PDE4B: variants seen among roughly 807,000 people sequenced by gnomAD.
PDE4B encodes 3',5'-cyclic-AMP phosphodiesterase 4B.
A neutral mutation model predicts 82.2 loss-of-function variants in PDE4B; 20 were observed. The ratio of observed to expected loss-of-function variants is 0.24; its 90% CI spans 0.17 to 0.35. The LOEUF (loss-of-function observed/expected upper bound fraction) is 0.35, where lower values mean the gene tolerates loss of function less well. Ranked by LOEUF, PDE4B falls within the 10% of genes least tolerant of loss-of-function variation. The pLI is 1.00. For missense variants in PDE4B, 655 were observed against 907.2 expected (o/e 0.72, Z 3.57); for synonymous variants, 320 against 318.9 (o/e 1.00, Z -0.04).
intron 3 of PDE4B, among the ~76,000 whole-genome samples, chr1:66,228,150 A>G (rs1285997736): frequency 7.2e-5 from 11 of 152,118 alleles, no homozygotes; most frequent in Admixed American, 1.3e-4. Context: ...ATTCCCCCAG[A>G]CATCTGTCTT....
At chr1:66,183,693 G>GC (rs760153821) in intron 3 of PDE4B, among the ~76,000 whole-genome samples, 2 of 152,144 alleles carry the variant, frequency 1.3e-5, no homozygotes, top group Non-Finnish European at 2.9e-5. Flanking sequence ...CCAATCCTGT[G>GC]CCCTATCTTT....
chr1:66,338,944 G>A (rs985700882), intron 8 of PDE4B, among the ~76,000 whole-genome samples: 2 of 150,550 alleles, frequency 1.3e-5, no homozygotes, highest in South Asian at 2.1e-4. Flanking sequence ...GCGTGAACCC[G>A]GGAGGCGGAG....
chr1:66,327,532 G>A (rs943872301), intron 7 of PDE4B, among the ~76,000 whole-genome samples: 1 of 152,082 alleles, frequency 6.6e-6, no homozygotes, highest in African/African-American at 2.4e-5. Flanking sequence ...TGAGATATTT[G>A]CAAAATATAT....
At chr1:66,016,120 C>T (rs1652762401) in intron 3 of PDE4B, among the ~76,000 whole-genome samples, 2 of 152,132 alleles carry the variant, frequency 1.3e-5, no homozygotes, top group Non-Finnish European at 1.5e-5. Flanking sequence ...GTATCTCCAT[C>T]TCTAAAATGA....
intron 3 of PDE4B, among the ~76,000 whole-genome samples, chr1:66,222,258 C>A (rs553555069): frequency 4.6e-5 from 7 of 152,184 alleles, no homozygotes; most frequent in Non-Finnish European, 1.0e-4. Flanking sequence ...TTCCCAACAA[C>A]TTCTGCTTAT....
At chr1:65,843,771 A>G (rs1174798167) in intron 1 of PDE4B, among the ~76,000 whole-genome samples, 1 of 152,128 alleles carries the variant, frequency 6.6e-6, no homozygotes, top group African/African-American at 2.4e-5. Flanking sequence ...AAGGATAAAG[A>G]TGTACTTTTA....
intron 8 of PDE4B, among the ~76,000 whole-genome samples, chr1:66,353,958 A>C (rs1417298944): frequency 6.6e-6 from 1 of 152,194 alleles, no homozygotes; most frequent in African/African-American, 2.4e-5. Context: ...TCTAATATGC[A>C]TATTAATGAG....
intron 3 of PDE4B, among the ~76,000 whole-genome samples, chr1:65,928,342 C>G (rs10889589): frequency 0.35 from 53,595 of 151,934 alleles, 9,647 homozygotes; most frequent in East Asian, 0.48. Context: ...AAATTAAGTA[C>G]GAATGCAGTA....
chr1:66,339,252 T>G (rs965558847), intron 8 of PDE4B, among the ~76,000 whole-genome samples: 6 of 152,214 alleles, frequency 3.9e-5, no homozygotes, highest in Non-Finnish European at 7.4e-5. Context: ...ATTAAGCTAT[T>G]TATTCTTTGT....
intron 7 of PDE4B, among the ~76,000 whole-genome samples, chr1:66,315,639 T>A (rs957533741): frequency 1.3e-5 from 2 of 152,056 alleles, no homozygotes; most frequent in Admixed American, 6.5e-5. Context: ...TATTTTTTTT[T>A]AATAGAGACC....
chr1:66,301,995 A>C (rs1233608275), intron 7 of PDE4B, among the ~76,000 whole-genome samples: 2 of 152,186 alleles, frequency 1.3e-5, no homozygotes, highest in Non-Finnish European at 2.9e-5. Context: ...TTAGCCTCTC[A>C]AACCACAGAG....
At chr1:66,176,165 T>C (rs1220957070) in intron 3 of PDE4B, among the ~76,000 whole-genome samples, 1 of 152,188 alleles carries the variant, frequency 6.6e-6, no homozygotes, top group African/African-American at 2.4e-5. Flanking sequence ...TTTGATTGCA[T>C]AGTTGACTCA....
In PDE4B at chr1:66,277,642, C is replaced by G. The variant is rs141538279; in HGVS notation, c.634+11555C>G. 3.1e-3 allele frequency among the ~76,000 whole-genome samples: 471 copies of G among 152,330 alleles called. 1 individual carries two copies. Among genetic ancestry groups the G allele is most frequent in the African/African-American group, 0.011 (449 of 41,570 alleles). Reference sequence around the variant, plus strand: ...AACTCCTAACCTCGTGATCTGCGTGCCTCGGCCTCCCAAAGTGCTGGGATT... The same window carrying G: ...AACTCCTAACCTCGTGATCTGCGTGGCTCGGCCTCCCAAAGTGCTGGGATT... On this transcript the variant is annotated intron_variant, in intron 7 of 16. Coordinates refer to ENST00000341517, the MANE Select transcript of PDE4B (RefSeq NM_002600.4).
chr1:65,860,315 G>T (rs1646439846), intron 1 of PDE4B, among the ~76,000 whole-genome samples: 1 of 152,146 alleles, frequency 6.6e-6, no homozygotes, highest in Non-Finnish European at 1.5e-5. Flanking sequence ...TTCTGTTCCT[G>T]TGTTAGTTTG....
intron 1 of PDE4B, among the ~76,000 whole-genome samples, chr1:65,882,852 G>T (rs552053997): frequency 4.2e-4 from 64 of 152,220 alleles, no homozygotes; most frequent in African/African-American, 1.4e-3. Flanking sequence ...TAACAGGAAG[G>T]TTTGAATTTT....
chr1:65,844,996 C>T (rs757723074), intron 1 of PDE4B, among the ~76,000 whole-genome samples: 28 of 152,202 alleles, frequency 1.8e-4, no homozygotes, highest in Non-Finnish European at 3.2e-4. Flanking sequence ...CTAGACAGTC[C>T]CAGCTGCTGA....
chr1:65,950,336 A>G (rs1648927571), intron 3 of PDE4B, among the ~76,000 whole-genome samples: 1 of 151,996 alleles, frequency 6.6e-6, no homozygotes, highest in Admixed American at 6.6e-5. Flanking sequence ...TCCACCTATC[A>G]CCAGCAATAG....
chr1:65,956,192 A>C (rs918080908), intron 3 of PDE4B, among the ~76,000 whole-genome samples: 3 of 152,134 alleles, frequency 2.0e-5, no homozygotes, highest in Non-Finnish European at 4.4e-5. Flanking sequence ...AGCTGGTATA[A>C]TTGCCAAAGT....
intron 3 of PDE4B, among the ~76,000 whole-genome samples, chr1:66,193,164 GA>G (rs1442296109): frequency 6.6e-6 from 1 of 152,200 alleles, no homozygotes; most frequent in Non-Finnish European, 1.5e-5. Context: ...GTTTCCACAA[GA>G]AAGGAATTTC....
Sources: allele counts gnomAD v4.1 joint callset (sites outside exome capture counted in the v4.1 genomes callset), GRCh38; gene constraint gnomAD v4.1.1; transcripts MANE v1.5; gene names NCBI Gene and HGNC (gene_info 2026-07-23, HGNC 2026-07-21).